The following GSE1 variants were observed in gnomAD, a reference collection of about 807,000 sequenced individuals.
GSE1 encodes the protein Gse1 coiled-coil protein.
In GSE1, 32 loss-of-function variants were observed where a neutral mutation model predicts 112.6. The observed-to-expected ratio is 0.28, with a 90% CI of 0.21 to 0.38. GSE1 has a LOEUF of 0.38. Ranked by LOEUF, GSE1 falls within the 10% of genes least tolerant of loss-of-function variation. GSE1 has a pLI of 1.00. For synonymous variants in GSE1, 1,115 were observed against 735.6 expected (o/e 1.52, Z -8.35); for missense variants, 2,348 against 1,699.2 (o/e 1.38, Z -6.71).
At chr16:85,645,932 C>T (rs1472270713) in intron 2 of GSE1, among the ~76,000 whole-genome samples, 1 of 148,274 alleles carries the variant, frequency 6.7e-6, no homozygotes, top group Non-Finnish European at 1.5e-5. Context: ...ATTCTGCCTG[C>T]TTCTACCACG....
intron 2 of GSE1, among the ~76,000 whole-genome samples, chr16:85,519,559 T>TTTTAGTCTCC (rs1567555809): frequency 4.3e-4 from 4 of 9,252 alleles, no homozygotes; most frequent in Admixed American, 1.1e-3. Flanking sequence ...CCACCATCAC[T>TTTTAGTCTCC]ATCATCATCA....
intron 2 of GSE1, among the ~76,000 whole-genome samples, chr16:85,379,257 T>A (rs1338748553): frequency 1.3e-4 from 20 of 152,136 alleles, no homozygotes; most frequent in Admixed American, 1.3e-3. Context: ...ACCAATCAAC[T>A]CCAATCCTGG....
chr16:85,225,926 G>C (rs761157907), intron 1 of GSE1, among the ~76,000 whole-genome samples: 2 of 152,212 alleles, frequency 1.3e-5, no homozygotes, highest in Non-Finnish European at 2.9e-5. Flanking sequence ...TGAAGGCTCT[G>C]CTGGGGCTGG....
At chr16:85,286,551 G>A (rs1287912512) in intron 1 of GSE1, among the ~76,000 whole-genome samples, 2 of 152,176 alleles carry the variant, frequency 1.3e-5, no homozygotes, top group Non-Finnish European at 1.5e-5. Context: ...CGGCTGGCCC[G>A]GAGGACTGGG....
intron 2 of GSE1, among the ~76,000 whole-genome samples, chr16:85,527,226 G>T (rs150796327): frequency 6.6e-6 from 1 of 152,358 alleles, no homozygotes; most frequent in Non-Finnish European, 1.5e-5. Context: ...CCACTGGTCC[G>T]TGGGCGCGCA....
chr16:85,647,098 G>C (rs1264345507), intron 2 of GSE1, among the ~76,000 whole-genome samples: 3 of 152,176 alleles, frequency 2.0e-5, no homozygotes, highest in Non-Finnish European at 4.4e-5. Flanking sequence ...CTTCCCTTAG[G>C]GCCTGGGAAC....
At chr16:85,390,326 G>A (rs2047808744) in intron 2 of GSE1, among the ~76,000 whole-genome samples, 1 of 152,042 alleles carries the variant, frequency 6.6e-6, no homozygotes, top group Admixed American at 6.6e-5. Flanking sequence ...TCCAGCAACA[G>A]ACGGGGACGG....
chr16:85,459,220 A>T (rs1403932491), intron 2 of GSE1, among the ~76,000 whole-genome samples: 1 of 151,968 alleles, frequency 6.6e-6, no homozygotes, highest in Non-Finnish European at 1.5e-5. Flanking sequence ...TGCAAACGCC[A>T]CCCCCAGGCA....
chr16:85,271,639 G>T (rs528628641), intron 1 of GSE1, among the ~76,000 whole-genome samples: 2 of 152,226 alleles, frequency 1.3e-5, no homozygotes, highest in Non-Finnish European at 2.9e-5. Flanking sequence ...AGTCAGGGCC[G>T]TATGTACAGG....
rs1327587824 is a variant in GSE1 at position 85,634,042 on chromosome 16, A to G, written c.136A>G (p.Thr46Ala). The G allele has an allele frequency of 1.9e-6, 3 of 1,609,522 alleles. No homozygotes were observed. The highest frequency in any genetic ancestry group is 2.5e-6 in the Non-Finnish European group (3 of 1,178,308). The part of the protein sequence containing the change: ...GALVPSGSPA[T>A]SSALSAQAAP... ...CCTGGTGCCCAGCGGCAGCCCCGCC[A>G]CCAGCAGCGCGCTGTCGGCCCAGGC... Residue 46 changes from threonine (T) to alanine (A), a missense_variant, in exon 2 of 16, where the codon ACC becomes GCC. Coordinates refer to ENST00000253458, the MANE Select transcript of GSE1 (RefSeq NM_014615.5).
At chr16:85,621,851 C>T (rs1045906315) in intron 1 of GSE1, among the ~76,000 whole-genome samples, 1 of 152,176 alleles carries the variant, frequency 6.6e-6, no homozygotes, top group Non-Finnish European at 1.5e-5. Flanking sequence ...TGCTTACCTG[C>T]CCACCTCGGG....
At chr16:85,169,953 G>T in exon 1 of GSE1, 1 of 984,590 alleles carries the variant, frequency 1.0e-6, no homozygotes, top group South Asian at 4.7e-5. Flanking sequence ...TCGCCTACGC[G>T]CTGGGCAGCG....
intron 2 of GSE1, among the ~76,000 whole-genome samples, chr16:85,493,069 G>A (rs1338664577): frequency 6.6e-6 from 1 of 152,186 alleles, no homozygotes; most frequent in African/African-American, 2.4e-5. Context: ...GGAGGCTGGT[G>A]GGGGGATGTT....
At chr16:85,389,784 C>T (rs1380042538) in intron 2 of GSE1, among the ~76,000 whole-genome samples, 4 of 152,200 alleles carry the variant, frequency 2.6e-5, no homozygotes, top group African/African-American at 9.7e-5. Context: ...TGAATCCCCA[C>T]GAGCCTGCAA....
intron 1 of GSE1, among the ~76,000 whole-genome samples, chr16:85,246,347 CTACA>C (rs1567636100): frequency 1.6e-5 from 1 of 63,456 alleles, no homozygotes; most frequent in African/African-American, 5.8e-5. Flanking sequence ...CACACGCTGT[CTACA>C]CACACACACA....
At position 85,637,591 on chromosome 16, in the gene GSE1, C is replaced by T. The variant is rs191806198; in HGVS notation, c.226+3459C>T. On this transcript the variant is annotated intron_variant, in intron 2 of 15. Transcript: ENST00000253458. ...GCGCCTGCTGTGCCCCTGGCGGGCT[C>T]GCTGTGCTTCTCACACACCCTTCGC... 7.9e-5 allele frequency among the ~76,000 whole-genome samples: 12 copies of T among 152,194 alleles called. 1 individual carries two copies. In the East Asian group the frequency reaches 2.1e-3, roughly 27 times the overall value.
chr16:85,207,559 A>ATCTTC (rs61004668), intron 1 of GSE1, among the ~76,000 whole-genome samples: 41,135 of 151,876 alleles, frequency 0.27, 5,918 homozygotes, highest in African/African-American at 0.37. Flanking sequence ...GCGGCAGGAG[A>ATCTTC]TCTTCTCAGA....
chr16:85,666,079 G>C lies in GSE1; in HGVS notation c.2862G>C (p.Gln954His), dbSNP rs1013581425. 4 of 1,613,348 alleles carry C rather than the reference G, an allele frequency of 2.5e-6. No individual in the cohort carries two copies. The highest frequency in any genetic ancestry group is 1.3e-5 in the African/African-American group (1 of 75,068). Residue 954 changes from glutamine (Q) to histidine (H), a missense_variant, in exon 13 of 16, where the codon CAG becomes CAC. Coordinates refer to ENST00000253458, the MANE Select transcript of GSE1 (RefSeq NM_014615.5). ...CCGCGGAGCCTGGGAAGCTGGAACAGGTCCGGCCCCAGGAGCTGTCGAGAG... is the reference window on the plus strand; with the variant it reads ...CCGCGGAGCCTGGGAAGCTGGAACACGTCCGGCCCCAGGAGCTGTCGAGAG... ...PKAAEPGKLE[Q>H]VRPQELSRVQ...
At chr16:85,438,712 C>T (rs976638851) in intron 2 of GSE1, among the ~76,000 whole-genome samples, 3 of 152,162 alleles carry the variant, frequency 2.0e-5, no homozygotes, top group Non-Finnish European at 2.9e-5. Context: ...AGCGAGTGAT[C>T]GCTGCCTTGA....
Sources: gnomAD v4.1 joint callset for allele counts (sites outside exome capture counted in the v4.1 genomes callset) on GRCh38, gnomAD v4.1.1 for gene constraint, MANE v1.5 for transcripts, NCBI Gene and HGNC (gene_info 2026-07-23, HGNC 2026-07-21) for gene names.